Variants in MYH14 observed in about 807,000 individuals in gnomAD.
MYH14 encodes the protein myosin-14.
In MYH14, 123 loss-of-function variants were observed where a neutral mutation model predicts 255.5. That is an observed-to-expected ratio of 0.48 (90% CI 0.42 to 0.56). MYH14 has a LOEUF of 0.56. MYH14 is among the 20% of genes least tolerant of loss of function. The pLI is 0.00. For synonymous variants in MYH14, 1,095 were observed against 1,161.2 expected (o/e 0.94, Z 1.16); for missense variants, 2,423 against 2,802.3 (o/e 0.86, Z 3.06).
chr19:50,303,473 C>T (rs1041135719), intron 40 of MYH14, among the ~76,000 whole-genome samples: 30 of 152,162 alleles, frequency 2.0e-4, no homozygotes, highest in African/African-American at 7.0e-4. Flanking sequence ...TACTGTGTCA[C>T]TTCTGCCATA....
intron 18 of MYH14, chr19:50,258,732 A>AAAAC (rs1555767742): frequency 0.033 from 3,125 of 95,092 alleles, 132 homozygotes; most frequent in East Asian, 0.2. Context: ...AAAAAAAAAA[A>AAAAC]AAAAAAAAAA....
In MYH14 at chr19:50,276,333, G is replaced by A. The variant is rs1379750020; in HGVS notation, c.3680+130G>A. On this transcript the variant is annotated intron_variant, in intron 28 of 42. Transcript: ENST00000642316. The surrounding 1 kb of genome is among the most constrained non-coding windows in gnomAD (Gnocchi z 4.3). ...AGTTGTTCATGAACCACCGGCTCTA[G>A]GTCCGGCCTGGGTCAAGCTGGGGAC... is the stretch of plus-strand genomic sequence containing the variant. 1.6e-5 allele frequency: 13 copies of A among 794,810 alleles called. No homozygotes were observed. The East Asian group carries it at 3.0e-4, about 18-fold the overall frequency. The allele number at this position is 794,810 out of a possible 1,614,324, so 49.2% of individuals were successfully genotyped here.
chr19:50,230,717 G>A lies in MYH14; in HGVS notation c.973+94G>A, dbSNP rs1019361734. On this transcript the variant is annotated intron_variant, in intron 9 of 42. Coordinates refer to ENST00000642316, the MANE Select transcript of MYH14 (RefSeq NM_001145809.2). The surrounding 1 kb of genome is among the most constrained non-coding windows in gnomAD (Gnocchi z 4.7). ...TCTGGGGAGGAAGCAAGAGTGGGGG[G>A]CTCTAATATCCGTCAAACACCGACT... is the stretch of plus-strand genomic sequence containing the variant. 3.8e-6 allele frequency: 4 copies of A among 1,046,958 alleles called. No individual in the cohort carries two copies. The African/African-American group carries it at 6.4e-5, about 17-fold the overall frequency. The allele number at this position is 1,046,958 out of a possible 1,614,324, so 64.9% of individuals were successfully genotyped here. A position where few individuals can be genotyped will look rare whatever the true frequency, so the allele number is the denominator to read the frequency against.
In MYH14 at chr19:50,238,641, C is replaced by T. The variant is rs369700762; in HGVS notation, c.1115-5601C>T. ...TTATATTTTGCATTTTTGGTAGAGT[C>T]GGGGTTCACCATGTTGGCCAGGCTG... On this transcript the variant is annotated intron_variant, in intron 10 of 42. Coordinates refer to ENST00000642316, the MANE Select transcript of MYH14 (RefSeq NM_001145809.2). Among the ~76,000 whole-genome samples, 121 of 152,048 alleles carry T rather than the reference C, an allele frequency of 8.0e-4. 1 individual carries two copies. The South Asian group carries it at 0.015, about 18-fold the overall frequency.
chr19:50,268,010 G>A (rs1288681491), intron 23 of MYH14, 151 bp from the exon 24 acceptor site: 1 of 928,236 alleles, frequency 1.1e-6, no homozygotes, highest in Non-Finnish European at 1.6e-6. Context: ...GGGACCTGAG[G>A]GGGAGGAGGT....
At position 50,280,306 on chromosome 19, in the gene MYH14, G is replaced by T. The variant is rs1261762088; in HGVS notation, c.4213G>T (p.Gly1405Trp). Reference sequence around the variant, plus strand: ...GCGAGCCATGGAGGCTGAGGCAGCCGGGCTGCGTGAGCAGCTGGAGGAGGA... The same window carrying T: ...GCGAGCCATGGAGGCTGAGGCAGCCTGGCTGCGTGAGCAGCTGGAGGAGGA... ...RVRAMEAEAA[G>W]LREQLEEEAA... The change falls in exon 32 of 43, where the codon GGG (glycine) becomes TGG (tryptophan). Residue 1405 changes from glycine (G) to tryptophan (W), a missense_variant. Coordinates refer to ENST00000642316, the MANE Select transcript of MYH14 (RefSeq NM_001145809.2). This position sits in a 1 kb window ranked among gnomAD's most constrained non-coding sequence, Gnocchi z 4.8. 4 of 1,550,766 alleles carry T rather than the reference G, an allele frequency of 2.6e-6. No homozygotes were observed. Among genetic ancestry groups the T allele is most frequent in the Non-Finnish European group, 3.5e-6 (4 of 1,146,868 alleles).
intron 12 of MYH14, among the ~76,000 whole-genome samples, chr19:50,248,710 G>A (rs1363259430): frequency 2.0e-5 from 3 of 152,232 alleles, no homozygotes; most frequent in East Asian, 1.9e-4. Context: ...CAGAGTCCAC[G>A]CTCTTAACCG....
chr19:50,258,888 G>C (rs1030681440), intron 18 of MYH14, among the ~76,000 whole-genome samples: 2 of 151,940 alleles, frequency 1.3e-5, no homozygotes, highest in African/African-American at 4.8e-5. Flanking sequence ...TTTCTCCTTA[G>C]CACTTAGTAT....
intron 3 of MYH14, among the ~76,000 whole-genome samples, chr19:50,222,405 G>A (rs2032875941): frequency 6.7e-6 from 1 of 149,472 alleles, no homozygotes; most frequent in South Asian, 2.1e-4. Flanking sequence ...GCGTGAACCC[G>A]AGAGGCAGAG....
At chr19:50,262,980 A>C (rs2123359272) in intron 21 of MYH14, among the ~76,000 whole-genome samples, 2 of 152,144 alleles carry the variant, frequency 1.3e-5, no homozygotes, top group East Asian at 3.9e-4. Context: ...TGAGTAGATC[A>C]CTTGAGGTGG....
In MYH14 at chr19:50,247,036, G is replaced by C; in HGVS notation, c.1243G>C (p.Gly415Arg). 1 of 1,612,930 alleles carries C rather than the reference G, an allele frequency of 6.2e-7. No homozygotes were observed. Among genetic ancestry groups the C allele is most frequent in the Non-Finnish European group, 8.5e-7 (1 of 1,179,540 alleles). ...AQKLCRLLGL[G>R]VTDFSRALLT... is the part of the protein sequence containing the mutation. ...GAAGCTCTGCCGCCTCTTGGGACTG[G>C]GGGTGACGGATTTCTCCCGAGCCTT... The change falls in exon 12 of 43, where the codon GGG becomes CGG. Residue 415 changes from glycine (G) to arginine (R), a missense_variant. Physicochemically the swap from Gly to Arg is moderately radical, Grantham distance 125 (BLOSUM62 -2). Coordinates refer to ENST00000642316, the MANE Select transcript of MYH14 (RefSeq NM_001145809.2).
At chr19:50,286,416 C>T (rs919940341) in intron 33 of MYH14, 66 bp from the exon 34 acceptor site, 1 of 1,446,974 alleles carries the variant, frequency 6.9e-7, no homozygotes, top group Admixed American at 2.1e-5. Context: ...CTCCCTCTTC[C>T]CGTTCCCTTG....
chr19:50,224,168 C>A lies in MYH14; in HGVS notation c.708C>A (p.Thr236=). The A allele has an allele frequency of 1.2e-6, 2 of 1,613,830 alleles. No individual in the cohort carries two copies. The highest frequency in any genetic ancestry group is 1.7e-6 in the Non-Finnish European group (2 of 1,179,860). ...GACTTCCTCAGGCCTCCGTCAGCAC[C>A]GTGTCTTATGTGAGTAGCAGGGGAT... The part of the protein sequence containing the change: ...KEPGVPASVS[T]VSYGELERQL... Residue 236 remains threonine, a synonymous_variant, in exon 6 of 43, where the codon ACC becomes ACA. Coordinates refer to ENST00000642316, the MANE Select transcript of MYH14 (RefSeq NM_001145809.2).
rs1486979200 is a variant in MYH14 at position 50,266,070 on chromosome 19, A to G, written c.2695-807A>G. Among the ~76,000 whole-genome samples the G allele has an allele frequency of 6.6e-6, 1 of 152,298 alleles. No individual in the cohort carries two copies. Among genetic ancestry groups the G allele is most frequent in the African/African-American group, 2.4e-5 (1 of 41,564 alleles). ...GGATACAGAATTGGGTGGAGAGGAA[A>G]AGAATCAAGTAGACTTGTGTAGAAC... On this transcript the variant is annotated intron_variant, in intron 22 of 42. Coordinates refer to ENST00000642316, the MANE Select transcript of MYH14 (RefSeq NM_001145809.2). The surrounding 1 kb of genome is among the most constrained non-coding windows in gnomAD (Gnocchi z 4.1).
At chr19:50,259,003 T>C (rs2034712982) in intron 18 of MYH14, 141 bp from the exon 19 acceptor site, 1 of 1,156,148 alleles carries the variant, frequency 8.6e-7, no homozygotes, top group South Asian at 1.8e-5. Flanking sequence ...CATTGCTGTC[T>C]TCCCAGGGCC....
chr19:50,239,487 GT>G (rs1313936796), intron 10 of MYH14, among the ~76,000 whole-genome samples: 4 of 152,164 alleles, frequency 2.6e-5, no homozygotes, highest in African/African-American at 9.7e-5. Flanking sequence ...CTAGTTACAC[GT>G]TTTTGGCGGG....
chr19:50,218,193 T>G (rs570851227), intron 3 of MYH14, among the ~76,000 whole-genome samples: 38 of 152,162 alleles, frequency 2.5e-4, no homozygotes, highest in Admixed American at 1.9e-3. Context: ...TTGGCCAGGC[T>G]GGTCTCAAAC....
Position 50,208,423 on chromosome 19 carries a change from AAAACAAAC to A in MYH14, c.-3-1912_-3-1905del, listed in dbSNP as rs139261539. On this transcript the variant is annotated intron_variant, in intron 1 of 42. Coordinates refer to ENST00000642316, the MANE Select transcript of MYH14 (RefSeq NM_001145809.2). The stretch of plus-strand genomic sequence containing the variant: ...GAGCAAGACTCTGTCTCAAAAAACA[AAAACAAAC>A]AAACAAACAAACAAACAAACAAACA... Among the ~76,000 whole-genome samples, 423 of 150,328 alleles carry A rather than the reference AAAACAAAC, an allele frequency of 2.8e-3. 2 individuals carry two copies. Among genetic ancestry groups the A allele is most frequent in the Middle Eastern group, 0.01 (3 of 294 alleles).
chr19:50,308,968 C>T, intron 41 of MYH14, 37 bp from the exon 42 acceptor site: 3 of 1,564,172 alleles, frequency 1.9e-6, no homozygotes, highest in Non-Finnish European at 2.6e-6. Flanking sequence ...GATGACAGTA[C>T]CTGGAGATAT....
Sources: gnomAD v4.1 joint callset for allele counts (sites outside exome capture counted in the v4.1 genomes callset) on GRCh38, gnomAD v4.1.1 for gene constraint, Gnocchi (gnomAD v3.1) non-coding constraint, MANE v1.5 for transcripts, NCBI Gene and HGNC (gene_info 2026-07-23, HGNC 2026-07-21) for gene names.